The following PRKAG2 variants were observed in gnomAD, a reference collection of about 807,000 sequenced individuals.
PRKAG2 encodes 5'-AMP-activated protein kinase subunit gamma-2.
A neutral mutation model predicts 69.6 loss-of-function variants in PRKAG2; 26 were observed. The observed-to-expected ratio is 0.37, with a 90% CI of 0.27 to 0.52. The LOEUF is 0.52. Among genes scored for constraint, PRKAG2 ranks in the 20% least tolerant of loss-of-function variants. The pLI is 0.90. For synonymous variants in PRKAG2, 293 were observed against 285.0 expected (o/e 1.03, Z -0.28); for missense variants, 557 against 740.0 (o/e 0.75, Z 2.87).
intron 1 of PRKAG2, among the ~76,000 whole-genome samples, chr7:151,833,306 T>A (rs1017546184): frequency 6.6e-6 from 1 of 152,156 alleles, no homozygotes; most frequent in South Asian, 2.1e-4. Context: ...GCAAAGGCCC[T>A]GAGGCAGGGC....
chr7:151,742,516 C>G (rs370198934), intron 3 of PRKAG2, among the ~76,000 whole-genome samples: 1 of 151,638 alleles, frequency 6.6e-6, no homozygotes, highest in Non-Finnish European at 1.5e-5. Context: ...CCCCGCTACT[C>G]GAGAGGCTGA....
intron 1 of PRKAG2, among the ~76,000 whole-genome samples, chr7:151,840,266 C>T (rs2079244718): frequency 6.6e-6 from 1 of 152,108 alleles, no homozygotes; most frequent in Non-Finnish European, 1.5e-5. Flanking sequence ...TCCTCCATGC[C>T]CAGAATGCAA....
intron 4 of PRKAG2, among the ~76,000 whole-genome samples, chr7:151,656,115 G>C (rs1363961106): frequency 1.3e-5 from 2 of 152,118 alleles, no homozygotes; most frequent in African/African-American, 4.8e-5. Context: ...TTGTAGTTAA[G>C]TTTTAAAAAT....
In PRKAG2 at chr7:151,687,903, G is replaced by A. The variant is rs749178065; in HGVS notation, c.467-12266C>T. On this transcript the variant is annotated intron_variant, in intron 3 of 15. Transcript: ENST00000287878. ...TGTATCTGCCTTGGGCTGCCTCTCC[G>A]TGTCCACCCTCCTCCCCAACGGGGC... is the stretch of plus-strand genomic sequence containing the variant. Among the ~76,000 whole-genome samples, 26 of 152,334 alleles carry A rather than the reference G, an allele frequency of 1.7e-4. No individual in the cohort carries two copies. In the East Asian group the frequency reaches 3.1e-3, roughly 18 times the overall value.
intron 1 of PRKAG2, among the ~76,000 whole-genome samples, chr7:151,794,729 C>T (rs980518919): frequency 2.6e-5 from 4 of 152,258 alleles, no homozygotes; most frequent in African/African-American, 9.6e-5. Context: ...GTCTTTATCC[C>T]GTTCCCAAGG....
At chr7:151,798,428 C>T (rs537250492) in intron 1 of PRKAG2, among the ~76,000 whole-genome samples, 1 of 152,140 alleles carries the variant, frequency 6.6e-6, no homozygotes, top group African/African-American at 2.4e-5. Context: ...GATTCTCATG[C>T]CTCAGTCTCC....
chr7:151,674,481 C>T (rs377076915), intron 4 of PRKAG2, among the ~76,000 whole-genome samples: 8 of 152,150 alleles, frequency 5.3e-5, no homozygotes, highest in East Asian at 3.8e-4. Context: ...CTCACAGTGT[C>T]GCTGGGCACG....
intron 4 of PRKAG2, among the ~76,000 whole-genome samples, chr7:151,646,167 G>A (rs1251139421): frequency 6.6e-6 from 1 of 152,152 alleles, no homozygotes; most frequent in African/African-American, 2.4e-5. Flanking sequence ...TTAAAAAATG[G>A]CTGTGAGTCC....
chr7:151,831,862 G>A (rs926305348), intron 1 of PRKAG2, among the ~76,000 whole-genome samples: 4 of 152,162 alleles, frequency 2.6e-5, no homozygotes, highest in African/African-American at 9.7e-5. Context: ...ATCAGAGGCC[G>A]CTAGGGAGGT....
chr7:151,632,612 G>GC lies in PRKAG2; in HGVS notation c.685-475dup, dbSNP rs994193503. On this transcript the variant is annotated intron_variant, in intron 4 of 15. Coordinates refer to ENST00000287878, the MANE Select transcript of PRKAG2 (RefSeq NM_016203.4). The surrounding 1 kb of genome is among the most constrained non-coding windows in gnomAD (Gnocchi z 4.2). ...GCCGCGCTCGGCAGGCTCCACCTGCGCAGGTGTGGGCTCCGCGGCGCGGGG... is the reference window on the plus strand; with the variant it reads ...GCCGCGCTCGGCAGGCTCCACCTGCGCCAGGTGTGGGCTCCGCGGCGCGGGG... 7.1e-6 allele frequency: 7 copies of GC among 984,410 alleles called. No individual in the cohort carries two copies. The African/African-American group carries it at 1.2e-4, about 17-fold the overall frequency. The allele number at this position is 984,410 out of a possible 1,614,324, so 61.0% of individuals were successfully genotyped here.
chr7:151,714,066 T>C (rs1177152037), intron 3 of PRKAG2, among the ~76,000 whole-genome samples: 2 of 152,150 alleles, frequency 1.3e-5, no homozygotes, highest in Non-Finnish European at 2.9e-5. Flanking sequence ...TGGTAGCGGT[T>C]AGATAACTCG....
chr7:151,736,383 C>CTTTTTT (rs34632609), intron 3 of PRKAG2: 1 of 796,826 alleles, frequency 1.3e-6, no homozygotes. Flanking sequence ...CTCTCCAGGG[C>CTTTTTT]TTTTTTTTTT....
At chr7:151,872,449 A>G (rs1020932349) in intron 1 of PRKAG2, among the ~76,000 whole-genome samples, 13 of 152,244 alleles carry the variant, frequency 8.5e-5, no homozygotes, top group Admixed American at 2.6e-4. Context: ...ACACTCAGAC[A>G]GGAACTTAGG....
intron 3 of PRKAG2, among the ~76,000 whole-genome samples, chr7:151,763,840 G>A (rs1011620226): frequency 6.6e-6 from 1 of 152,252 alleles, no homozygotes; most frequent in African/African-American, 2.4e-5. Flanking sequence ...CACCTGACGA[G>A]CCCTAACACC....
chr7:151,587,807 C>A (rs1010992823), intron 6 of PRKAG2, among the ~76,000 whole-genome samples: 2 of 152,112 alleles, frequency 1.3e-5, no homozygotes, highest in African/African-American at 4.8e-5. Context: ...GATCCTCCAA[C>A]AGAAAACGGC....
chr7:151,763,192 A>T (rs2075529242), intron 3 of PRKAG2, among the ~76,000 whole-genome samples: 1 of 152,252 alleles, frequency 6.6e-6, no homozygotes, highest in South Asian at 2.1e-4. Context: ...ATTAAGCGCC[A>T]GAATCTAAGC....
At position 151,854,514 on chromosome 7, in the gene PRKAG2, C is replaced by T. The variant is rs116318599; in HGVS notation, c.114+21993G>A. On this transcript the variant is annotated intron_variant, in intron 1 of 15. Coordinates refer to ENST00000287878, the MANE Select transcript of PRKAG2 (RefSeq NM_016203.4). ...GGCACAGGGAGGCATTTGGAGCGCC[C>T]GAGGATAGGGCTGTGTGACATCCCT... 1.3e-3 allele frequency among the ~76,000 whole-genome samples: 197 copies of T among 152,332 alleles called. 1 individual carries two copies. Among genetic ancestry groups the T allele is most frequent in the African/African-American group, 4.6e-3 (192 of 41,578 alleles).
intron 1 of PRKAG2, among the ~76,000 whole-genome samples, chr7:151,831,771 T>A (rs1347392782): frequency 1.3e-5 from 2 of 152,208 alleles, no homozygotes; most frequent in African/African-American, 4.8e-5. Context: ...CGACAGGTGC[T>A]GTGTCCCAGG....
intron 3 of PRKAG2, among the ~76,000 whole-genome samples, chr7:151,711,412 A>G (rs957958427): frequency 1.3e-5 from 2 of 152,132 alleles, no homozygotes; most frequent in Non-Finnish European, 2.9e-5. Context: ...AGCTTAGAGT[A>G]CTAAGAGTAC....
Sources: allele counts gnomAD v4.1 joint callset (sites outside exome capture counted in the v4.1 genomes callset), GRCh38; gene constraint gnomAD v4.1.1; non-coding constraint Gnocchi (gnomAD v3.1); transcripts MANE v1.5; gene names NCBI Gene and HGNC (gene_info 2026-07-23, HGNC 2026-07-21).